The following ARHGAP6 variants were observed in gnomAD, a reference collection of about 807,000 sequenced individuals.
ARHGAP6 encodes Rho GTPase activating protein 6.
A neutral mutation model predicts 55.7 loss-of-function variants in ARHGAP6; 16 were observed. That is an observed-to-expected ratio of 0.29 (90% CI 0.19 to 0.44). ARHGAP6 has a LOEUF of 0.44. Among genes scored for constraint, ARHGAP6 ranks in the 20% least tolerant of loss-of-function variants. The pLI, the probability that ARHGAP6 is intolerant of heterozygous loss-of-function variation, is 1.00. For missense variants in ARHGAP6, 698 were observed against 808.9 expected, an observed-to-expected ratio of 0.86 and a Z score of 1.66; for synonymous variants, 382 against 360.9, an observed-to-expected ratio of 1.06 and a Z score of -0.66.
At chrX:11,371,513 T>C (rs1010315105) in intron 1 of ARHGAP6, among the ~76,000 whole-genome samples, 1 of 112,333 alleles carries the variant, frequency 8.9e-6, no homozygotes, top group Non-Finnish European at 1.9e-5. Flanking sequence ...ATTTCAGTGA[T>C]TTAGTTTGAA....
At chrX:11,482,410 G>A (rs1213893938) in intron 1 of ARHGAP6, among the ~76,000 whole-genome samples, 1 of 111,901 alleles carries the variant, frequency 8.9e-6, no homozygotes, top group African/African-American at 3.3e-5. Flanking sequence ...CCGTTCTCAC[G>A]TAAGACCTCT....
rs974842058 is a variant in ARHGAP6 at position 11,251,676 on chromosome X, G to A, written c.748+2872C>T. 4.5e-5 allele frequency among the ~76,000 whole-genome samples: 5 copies of A among 111,769 alleles called. No homozygotes were observed. The Admixed American group carries it at 4.8e-4, about 11-fold the overall frequency. ...TTTGGCATCATTTCTTTAGGCTTTA[G>A]GTCCTGGCTACAGTATTTATTTTCC... On this transcript the variant is annotated intron_variant, in intron 2 of 12. Coordinates refer to ENST00000337414, the MANE Select transcript of ARHGAP6 (RefSeq NM_013427.3).
At chrX:11,417,673 T>C (rs1346174636) in intron 1 of ARHGAP6, among the ~76,000 whole-genome samples, 2 of 111,403 alleles carry the variant, frequency 1.8e-5, no homozygotes, top group African/African-American at 6.5e-5. Flanking sequence ...TATTACAAAA[T>C]GAAAGGCTTT....
intron 1 of ARHGAP6, among the ~76,000 whole-genome samples, chrX:11,313,737 T>G (rs1301076497): frequency 8.9e-6 from 1 of 112,352 alleles, no homozygotes; most frequent in Non-Finnish European, 1.9e-5. Context: ...TATCACTGTA[T>G]TTTTATAATC....
At chrX:11,188,400 G>A (rs761619663) in intron 4 of ARHGAP6, among the ~76,000 whole-genome samples, 6 of 111,927 alleles carry the variant, frequency 5.4e-5, no homozygotes, top group African/African-American at 1.6e-4. Context: ...CCCTGCCCTC[G>A]AGCCTCACAG....
intron 1 of ARHGAP6, among the ~76,000 whole-genome samples, chrX:11,620,963 C>T (rs1432289517): frequency 1.8e-5 from 2 of 112,263 alleles, no homozygotes; most frequent in Non-Finnish European, 3.8e-5. Context: ...TCAACACAGC[C>T]TCTGTCTAGA....
rs146938151 is a variant in ARHGAP6, at chrX:11,142,719, G to A, written c.2177-406C>T. ...GTAGGAGAGAAGATGTTGCTAGACTGTTGGCTTAAAAGATGGAGGAAGGGG... is the reference window on the plus strand; with the variant it reads ...GTAGGAGAGAAGATGTTGCTAGACTATTGGCTTAAAAGATGGAGGAAGGGG... On this transcript the variant is annotated intron_variant, in intron 11 of 12. Transcript: ENST00000337414. The A allele has an allele frequency of 3.7e-3, 413 of 111,967 alleles. 1 individual carries two copies. Among genetic ancestry groups the A allele is most frequent in the Non-Finnish European group, 5.8e-3 (307 of 53,333 alleles). The allele number at this position is 111,967 out of a possible 1,213,427, so 9.2% of individuals were successfully genotyped here.
intron 2 of ARHGAP6, among the ~76,000 whole-genome samples, chrX:11,249,824 A>G (rs1294092036): frequency 8.9e-6 from 1 of 112,031 alleles, no homozygotes; most frequent in African/African-American, 3.2e-5. Flanking sequence ...TTTTTTTAAA[A>G]TGTAGTGAAA....
intron 1 of ARHGAP6, among the ~76,000 whole-genome samples, chrX:11,407,873 T>C (rs1345843055): frequency 9.0e-6 from 1 of 111,504 alleles, no homozygotes; most frequent in Non-Finnish European, 1.9e-5. Flanking sequence ...AGGAATCAGA[T>C]ACAGGAATGA....
rs149107583 is a variant in ARHGAP6 at position 11,565,625 on chromosome X, C to A, written c.588+98616G>T. Among the ~76,000 whole-genome samples the A allele has an allele frequency of 5.4e-3, 609 of 112,363 alleles. 2 individuals carry two copies. The highest frequency in any genetic ancestry group is 0.019 in the African/African-American group (580 of 30,952). ...TCCAGGTACAGTAGGTATCTGAGAC[C>A]ATCAATGGTGCCTGCCTGCTGTTAT... On this transcript the variant is annotated intron_variant, in intron 1 of 12. Coordinates refer to ENST00000337414, the MANE Select transcript of ARHGAP6 (RefSeq NM_013427.3).
At chrX:11,186,184 A>T in intron 5 of ARHGAP6, 52 bp downstream of exon 5, 1 of 1,084,655 alleles carries the variant, frequency 9.2e-7, no homozygotes, top group Non-Finnish European at 1.3e-6. Context: ...TCAGTGAATG[A>T]TGCTTGAATA....
intron 3 of ARHGAP6, among the ~76,000 whole-genome samples, chrX:11,193,050 C>T (rs1364295532): frequency 8.9e-6 from 1 of 112,061 alleles, no homozygotes; most frequent in African/African-American, 3.2e-5. Context: ...AATTAGTTCC[C>T]ATATGTAAAT....
chrX:11,374,892 C>T (rs2049183546), intron 1 of ARHGAP6, among the ~76,000 whole-genome samples: 1 of 111,699 alleles, frequency 9.0e-6, no homozygotes, highest in Non-Finnish European at 1.9e-5. Flanking sequence ...TACCATCCTA[C>T]TGACTCCCCT....
intron 1 of ARHGAP6, among the ~76,000 whole-genome samples, chrX:11,426,733 C>T (rs2049883539): frequency 9.1e-6 from 1 of 109,646 alleles, no homozygotes; most frequent in African/African-American, 3.3e-5. Context: ...TCCTTCTTTC[C>T]TTTCTTTTCT....
chrX:11,496,820 T>C (rs1036894210), intron 1 of ARHGAP6, among the ~76,000 whole-genome samples: 2 of 111,735 alleles, frequency 1.8e-5, no homozygotes, highest in African/African-American at 6.5e-5. Context: ...ATAGATTTAG[T>C]AGTAGGTGGT....
intron 1 of ARHGAP6, among the ~76,000 whole-genome samples, chrX:11,437,607 G>C (rs1273072168): frequency 8.9e-6 from 1 of 112,267 alleles, no homozygotes; most frequent in Non-Finnish European, 1.9e-5. Context: ...CAAAGTCCCA[G>C]TCTCAGTCTG....
intron 8 of ARHGAP6, among the ~76,000 whole-genome samples, chrX:11,174,626 T>C (rs1266642505): frequency 9.7e-5 from 1 of 10,340 alleles, no homozygotes; most frequent in African/African-American, 4.6e-4. Flanking sequence ...CTCTTTCTTT[T>C]CTTTCTTTCT....
intron 1 of ARHGAP6, among the ~76,000 whole-genome samples, chrX:11,534,509 C>A (rs1285742040): frequency 2.7e-5 from 3 of 109,995 alleles, no homozygotes; most frequent in African/African-American, 9.9e-5. Context: ...TAGAGGGCTT[C>A]TAGAAGCATC....
intron 1 of ARHGAP6, among the ~76,000 whole-genome samples, chrX:11,596,364 T>C (rs1219821879): frequency 2.7e-5 from 3 of 109,573 alleles, no homozygotes; most frequent in African/African-American, 1.0e-4. Context: ...TAAGTGGGAG[T>C]TGAACAATGA....
Sources: gnomAD v4.1 joint callset for allele counts (sites outside exome capture counted in the v4.1 genomes callset) on GRCh38, gnomAD v4.1.1 for gene constraint, MANE v1.5 for transcripts, NCBI Gene and HGNC (gene_info 2026-07-23, HGNC 2026-07-21) for gene names.